The following LIN28B variants were observed in gnomAD, a reference collection of about 807,000 sequenced individuals.
LIN28B encodes the protein lin-28 RNA binding posttranscriptional regulator B, also known as protein lin-28 homolog B.
LIN28B carries 5 observed loss-of-function variants against 21.9 expected under a neutral mutation model. The observed-to-expected ratio is 0.23, with a 90% CI of 0.12 to 0.48. The LOEUF (loss-of-function observed/expected upper bound fraction) is 0.48. LIN28B is among the 20% of genes least tolerant of loss of function. LIN28B has a pLI of 0.98. For synonymous variants in LIN28B, 109 were observed against 111.3 expected (o/e 0.98, Z 0.13); for missense variants, 245 against 310.5 (o/e 0.79, Z 1.58).
intron 2 of LIN28B, among the ~76,000 whole-genome samples, chr6:104,984,730 T>C (rs1029582831): frequency 6.6e-6 from 1 of 152,192 alleles, no homozygotes. Context: ...TGTTAAGTAA[T>C]ATTTTTTGAT....
At chr6:104,937,178 C>A (rs1053519327) in intron 2 of LIN28B, 1 of 151,982 alleles carries the variant, frequency 6.6e-6, no homozygotes, top group Non-Finnish European at 1.5e-5. Flanking sequence ...CTCACTCAGT[C>A]GCCCAGGCTG....
intron 3 of LIN28B, among the ~76,000 whole-genome samples, chr6:105,072,530 A>T (rs1772351311): frequency 6.6e-6 from 1 of 152,126 alleles, no homozygotes; most frequent in Non-Finnish European, 1.5e-5. Flanking sequence ...ATTCCAGAAG[A>T]TCCAAATGAA....
intron 2 of LIN28B, among the ~76,000 whole-genome samples, chr6:105,000,231 A>T (rs1283094112): frequency 5.9e-5 from 9 of 152,146 alleles, no homozygotes; most frequent in African/African-American, 2.2e-4. Flanking sequence ...TGGGTATAGA[A>T]GGAGCCATGT....
intron 2 of LIN28B, chr6:104,939,246 T>TA (rs1176142760): frequency 6.6e-6 from 1 of 152,262 alleles, no homozygotes; most frequent in Non-Finnish European, 1.5e-5. Flanking sequence ...TGTAAATTGA[T>TA]ACAATGATTA....
rs990612945 is a variant in LIN28B, at chr6:105,082,584, T to C, written c.*3801T>C. On this transcript the variant is annotated 3_prime_UTR_variant, in exon 4 of 4. Transcript: ENST00000345080. ...TGCAGCTGCACTGACTTTAATTTTC[T>C]AGATGTCTTAATGAGATTTATTTGT... The C allele has an allele frequency of 1.3e-5, 2 of 152,694 alleles. No homozygotes were observed. Among genetic ancestry groups the C allele is most frequent in the African/African-American group, 4.8e-5 (2 of 41,472 alleles). The allele number at this position is 152,694 out of a possible 1,614,324, so 9.5% of individuals were successfully genotyped here.
chr6:105,053,797 A>G (rs539104824), intron 3 of LIN28B, among the ~76,000 whole-genome samples: 8 of 151,258 alleles, frequency 5.3e-5, no homozygotes, highest in African/African-American at 1.5e-4. Context: ...CAATGGCACA[A>G]TCTCAGCTCA....
chr6:105,050,081 A>T (rs1197503399), intron 3 of LIN28B, among the ~76,000 whole-genome samples: 2 of 152,154 alleles, frequency 1.3e-5, no homozygotes, highest in Non-Finnish European at 2.9e-5. Context: ...TAGTTGATGC[A>T]GTTTCTTCCT....
intron 2 of LIN28B, among the ~76,000 whole-genome samples, chr6:104,994,903 A>G (rs896483925): frequency 2.0e-5 from 3 of 152,202 alleles, no homozygotes; most frequent in African/African-American, 4.8e-5. Flanking sequence ...GATTTTCACT[A>G]TAAGTGGTTC....
chr6:104,996,781 C>G (rs1443395108), intron 2 of LIN28B, among the ~76,000 whole-genome samples: 1 of 152,122 alleles, frequency 6.6e-6, no homozygotes, highest in African/African-American at 2.4e-5. Flanking sequence ...GAACATTTTA[C>G]CTTGCCTATA....
In LIN28B at chr6:104,958,154, G is replaced by T. The variant is rs755516547; in HGVS notation, c.66G>T (p.Glu22Asp). ...EEPGKLPEPA[E>D]EESQVLRGTG... ...CCGGGAAGCTGCCGGAGCCGGCAGA[G>T]GAGGAATCCCAGGTTTTGCGCGGAA... Residue 22 changes from glutamate (E) to aspartate (D), a missense_variant, in exon 2 of 4, where the codon GAG (glutamate) becomes GAT (aspartate). Transcript: ENST00000345080. The T allele has an allele frequency of 1.1e-5, 17 of 1,606,964 alleles. No homozygotes were observed. The highest frequency in any genetic ancestry group is 1.4e-5 in the Non-Finnish European group (16 of 1,174,740).
chr6:104,945,882 A>G (rs1778150438), intron 2 of LIN28B, among the ~76,000 whole-genome samples: 1 of 151,964 alleles, frequency 6.6e-6, no homozygotes, highest in Non-Finnish European at 1.5e-5. Flanking sequence ...ATTATTACTC[A>G]TTTGTTTTTA....
intron 3 of LIN28B, chr6:105,058,071 G>A (rs1449689476): frequency 2.5e-6 from 1 of 394,780 alleles, no homozygotes; most frequent in Non-Finnish European, 5.0e-6. Flanking sequence ...TTGTCTACAG[G>A]AATTTTTTGA....
At chr6:105,007,693 TTTTG>T (rs1770845045) in intron 2 of LIN28B, among the ~76,000 whole-genome samples, 2 of 152,102 alleles carry the variant, frequency 1.3e-5, no homozygotes, top group South Asian at 2.1e-4. Context: ...CCTGGCAAAT[TTTTG>T]TTTGTTTGTT....
At chr6:105,011,604 C>T (rs2114309717) in intron 2 of LIN28B, among the ~76,000 whole-genome samples, 1 of 152,272 alleles carries the variant, frequency 6.6e-6, no homozygotes, top group South Asian at 2.1e-4. Context: ...ATAAACTGTC[C>T]TTTGGGAGGC....
chr6:105,019,394 G>A (rs1005650537), intron 2 of LIN28B, among the ~76,000 whole-genome samples: 1 of 152,170 alleles, frequency 6.6e-6, no homozygotes, highest in East Asian at 1.9e-4. Context: ...GAATAGGGGT[G>A]TATGCACAGG....
At chr6:105,071,513 C>T (rs1421166565) in intron 3 of LIN28B, among the ~76,000 whole-genome samples, 4 of 152,068 alleles carry the variant, frequency 2.6e-5, no homozygotes, top group Non-Finnish European at 5.9e-5. Flanking sequence ...CCAGTATGGA[C>T]AATGCTGTTG....
At chr6:105,025,108 A>T (rs750044973) in intron 2 of LIN28B, among the ~76,000 whole-genome samples, 4 of 152,152 alleles carry the variant, frequency 2.6e-5, no homozygotes, top group Admixed American at 6.5e-5. Context: ...AAATCTTTTG[A>T]ATTTACAAAT....
intron 3 of LIN28B, among the ~76,000 whole-genome samples, chr6:105,036,983 CATT>C (rs1771534462): frequency 6.6e-6 from 1 of 152,110 alleles, no homozygotes; most frequent in African/African-American, 2.4e-5. Flanking sequence ...TTTAAATGAA[CATT>C]ATGACATTGT....
Position 105,078,624 on chromosome 6 carries a change from G to T in LIN28B, c.594G>T (p.Gly198=), listed in dbSNP as rs1772479937. ...CTCTCCCTCGAGAAGTGGGAGGCGG[G>T]CATGGCTGTACATCACCACCGTTTC... is the stretch of plus-strand genomic sequence containing the variant. ...TSTLPREVGG[G]HGCTSPPFPQ... The change falls in exon 4 of 4, where the codon GGG becomes GGT. Residue 198 remains glycine, a synonymous_variant. Transcript: ENST00000345080. 6.2e-7 allele frequency: 1 copy of T among 1,614,004 alleles called. No homozygotes were observed. The highest frequency in any genetic ancestry group is 1.1e-5 in the South Asian group (1 of 91,076).
Sources: gnomAD v4.1 joint callset for allele counts (sites outside exome capture counted in the v4.1 genomes callset) on GRCh38, gnomAD v4.1.1 for gene constraint, MANE v1.5 for transcripts, NCBI Gene and HGNC (gene_info 2026-07-23, HGNC 2026-07-21) for gene names.